NTM: variants seen among roughly 807,000 people sequenced by gnomAD.
NTM encodes IgLON family member 2.
A neutral mutation model predicts 42.1 loss-of-function variants in NTM; 13 were observed. That is an observed-to-expected ratio of 0.31 (90% CI 0.20 to 0.49). The LOEUF is 0.49. Ranked by LOEUF, NTM falls within the 20% of genes least tolerant of loss-of-function variation. NTM has a pLI of 0.99. For missense variants in NTM, 373 were observed against 452.8 expected (o/e 0.82, Z 1.60); for synonymous variants, 187 against 179.2 (o/e 1.04, Z -0.35).
At chr11:132,140,611 C>G (rs183996092) in intron 2 of NTM, among the ~76,000 whole-genome samples, 1 of 152,148 alleles carries the variant, frequency 6.6e-6, no homozygotes. Flanking sequence ...TCAGTAGTGA[C>G]GCTTTCTCTT....
chr11:131,506,619 T>C (rs1414711177), intron 1 of NTM, among the ~76,000 whole-genome samples: 1 of 152,170 alleles, frequency 6.6e-6, no homozygotes, highest in African/African-American at 2.4e-5. Context: ...GATGAGTTAC[T>C]ATCTTTGCCA....
At chr11:132,325,004 T>C (rs2095648616) in intron 7 of NTM, among the ~76,000 whole-genome samples, 1 of 151,820 alleles carries the variant, frequency 6.6e-6, no homozygotes, top group Admixed American at 6.5e-5. Flanking sequence ...CCTTACACCT[T>C]ACACAAAAAT....
intron 1 of NTM, among the ~76,000 whole-genome samples, chr11:131,563,344 C>G (rs2056466599): frequency 6.6e-6 from 1 of 152,148 alleles, no homozygotes; most frequent in South Asian, 2.1e-4. Flanking sequence ...AAAAAAATTA[C>G]CATTTGTCAA....
intron 1 of NTM, among the ~76,000 whole-genome samples, chr11:131,599,399 G>A (rs2060269799): frequency 7.4e-6 from 1 of 135,130 alleles, no homozygotes; most frequent in Admixed American, 8.2e-5. Context: ...TAGTCACATG[G>A]CCCTGTATAA....
chr11:131,694,382 G>A (rs577020317), intron 1 of NTM, among the ~76,000 whole-genome samples: 2 of 152,178 alleles, frequency 1.3e-5, no homozygotes, highest in African/African-American at 4.8e-5. Context: ...TAGGGCTATG[G>A]TGATTTTTTA....
chr11:132,169,452 C>T (rs1156429293), intron 3 of NTM, among the ~76,000 whole-genome samples: 2 of 144,224 alleles, frequency 1.4e-5, no homozygotes, highest in Non-Finnish European at 3.0e-5. Context: ...TCTCCTGCCT[C>T]AGCCTCCTGT....
intron 2 of NTM, among the ~76,000 whole-genome samples, chr11:131,964,696 A>G (rs1223706661): frequency 6.6e-6 from 1 of 152,182 alleles, no homozygotes; most frequent in Non-Finnish European, 1.5e-5. Flanking sequence ...AGATCTGGCC[A>G]TCATCGTCAG....
intron 1 of NTM, among the ~76,000 whole-genome samples, chr11:131,809,377 G>T (rs1322082918): frequency 1.3e-5 from 2 of 152,178 alleles, no homozygotes; most frequent in Non-Finnish European, 2.9e-5. Flanking sequence ...TAGAGCTGCT[G>T]CTCTGCATCT....
At chr11:131,661,067 C>A (rs564959769) in intron 1 of NTM, 1 of 1,299,628 alleles carries the variant, frequency 7.7e-7, no homozygotes, top group African/African-American at 1.5e-5. Context: ...ATACTCAATT[C>A]TTCATCTTTT....
intron 1 of NTM, among the ~76,000 whole-genome samples, chr11:131,490,464 G>A: frequency 6.6e-6 from 1 of 152,208 alleles, no homozygotes; most frequent in Non-Finnish European, 1.5e-5. Flanking sequence ...TGCAATTTGT[G>A]CAAGGCTCAG....
intron 3 of NTM, among the ~76,000 whole-genome samples, chr11:132,201,464 C>T (rs1434719204): frequency 6.6e-6 from 1 of 152,166 alleles, no homozygotes; most frequent in Non-Finnish European, 1.5e-5. Context: ...CACAGCTTAA[C>T]GAGGCCTTGC....
intron 1 of NTM, among the ~76,000 whole-genome samples, chr11:131,891,188 T>A (rs562002575): frequency 6.6e-6 from 1 of 152,290 alleles, no homozygotes; most frequent in African/African-American, 2.4e-5. Flanking sequence ...CACCCAACTA[T>A]ATCAGAAGGC....
chr11:131,695,901 G>A (rs1252724629), intron 1 of NTM, among the ~76,000 whole-genome samples: 3 of 152,160 alleles, frequency 2.0e-5, no homozygotes, highest in Admixed American at 6.5e-5. Flanking sequence ...TCACTCCTGC[G>A]CTCTGGACTC....
intron 1 of NTM, among the ~76,000 whole-genome samples, chr11:131,766,757 T>C (rs2085179221): frequency 6.6e-6 from 1 of 152,218 alleles, no homozygotes; most frequent in Non-Finnish European, 1.5e-5. Flanking sequence ...TAGCAAGGCG[T>C]TCTCTCTCCT....
At position 131,796,904 on chromosome 11, in the gene NTM, C is replaced by CT. The variant is rs2091632538; in HGVS notation, c.83-114658dup. On this transcript the variant is annotated intron_variant, in intron 1 of 8. Coordinates refer to ENST00000683400, the MANE Select transcript of NTM (RefSeq NM_001352005.2). ...CAGTGTAGGAGTTGCATTTATTACA[C>CT]TTACAAATAGTCAAAAGTGATCCTG... Among the ~76,000 whole-genome samples the CT allele has an allele frequency of 2.0e-5, 3 of 152,266 alleles. No individual in the cohort carries two copies. The South Asian group carries it at 6.2e-4, about 32-fold the overall frequency.
At chr11:131,705,415 C>T (rs1235101001) in intron 1 of NTM, among the ~76,000 whole-genome samples, 2 of 152,076 alleles carry the variant, frequency 1.3e-5, no homozygotes, top group East Asian at 3.9e-4. Flanking sequence ...AAGACTTACC[C>T]AGACAAATGA....
intron 1 of NTM, among the ~76,000 whole-genome samples, chr11:131,659,262 T>C (rs1681927393): frequency 6.6e-6 from 1 of 152,204 alleles, no homozygotes; most frequent in Non-Finnish European, 1.5e-5. Flanking sequence ...CCACAGACCC[T>C]TAAAGTGTTG....
chr11:132,310,647 C>T (rs2095252495), intron 6 of NTM, among the ~76,000 whole-genome samples: 1 of 152,124 alleles, frequency 6.6e-6, no homozygotes, highest in African/African-American at 2.4e-5. Context: ...AAGTTAGCTG[C>T]AGCTAGTAGG....
At chr11:131,387,172 T>C (rs568537720) in intron 1 of NTM, among the ~76,000 whole-genome samples, 92 of 152,302 alleles carry the variant, frequency 6.0e-4, no homozygotes, top group African/African-American at 1.5e-3. Context: ...ATTAACTGTG[T>C]GAAAACTTTC....
Sources: allele counts gnomAD v4.1 joint callset (sites outside exome capture counted in the v4.1 genomes callset), GRCh38; gene constraint gnomAD v4.1.1; transcripts MANE v1.5; gene names NCBI Gene and HGNC (gene_info 2026-07-23, HGNC 2026-07-21).